The following HMX2 variants were observed in gnomAD, a reference collection of about 807,000 sequenced individuals.
HMX2 encodes the protein H6 family homeobox 2.
In HMX2, 15 loss-of-function variants were observed where a neutral mutation model predicts 21.2. The ratio of observed to expected loss-of-function variants is 0.71; its 90% CI spans 0.47 to 1.09. The LOEUF (loss-of-function observed/expected upper bound fraction) is 1.09, where lower values mean the gene tolerates loss of function less well. Ranked by LOEUF, HMX2 falls within the 50% of genes least tolerant of loss-of-function variation. The pLI is 0.00. For missense variants in HMX2, 440 were observed against 381.5 expected, an observed-to-expected ratio of 1.15 and a Z score of -1.28; for synonymous variants, 193 against 181.0, an observed-to-expected ratio of 1.07 and a Z score of -0.53.
chr10:123,148,273 C>CAA lies in HMX2; in HGVS notation c.-106_-105insAA. 1 of 949,876 alleles carries CAA rather than the reference C, an allele frequency of 1.1e-6. No individual in the cohort carries two copies. The highest frequency in any genetic ancestry group is 1.6e-6 in the Non-Finnish European group (1 of 630,320). The allele number at this position is 949,876 out of a possible 1,614,324, so 58.8% of individuals were successfully genotyped here. ...GGCGCCCCCTCCCCCTAGATTTCCTCCCCGCCCCTCCCCACTGCCTGCCTG... is the reference window on the plus strand; with the variant it reads ...GGCGCCCCCTCCCCCTAGATTTCCTCAACCCGCCCCTCCCCACTGCCTGCCTG... On this transcript the variant is annotated 5_prime_UTR_variant, in exon 1 of 2. Transcript: ENST00000339992.
Position 123,148,578 on chromosome 10 carries a change from GC to G in HMX2, c.203del (p.Pro68GlnfsTer103). ...GGCTGGAAGGCGCCCGCCTGCTTCTGCCCAGACCAGCACGGCCCTAAGGAGC... is the reference window on the plus strand; with the variant it reads ...GGCTGGAAGGCGCCCGCCTGCTTCTGCCAGACCAGCACGGCCCTAAGGAGC... ...DDGWKAPACF[C>X]PDQHGPKEQG... is the part of the protein sequence containing the mutation. On this transcript the variant is annotated frameshift_variant, in exon 1 of 2. Transcript: ENST00000339992. LOFTEE classifies it high-confidence loss of function. 1 of 1,613,362 alleles carries G rather than the reference GC, an allele frequency of 6.2e-7. No homozygotes were observed. The highest frequency in any genetic ancestry group is 8.5e-7 in the Non-Finnish European group (1 of 1,179,836).
At position 123,149,852 on chromosome 10, in the gene HMX2, C is replaced by G. The variant is rs375924624; in HGVS notation, c.551C>G (p.Ser184Cys). 3 of 1,612,876 alleles carry G rather than the reference C, an allele frequency of 1.9e-6. No individual in the cohort carries two copies. The highest frequency in any genetic ancestry group is 1.6e-4 in the Middle Eastern group (1 of 6,062). Residue 184 changes from serine to cysteine, a missense_variant, in exon 2 of 2, where the codon TCC becomes TGC. Coordinates refer to ENST00000339992, the MANE Select transcript of HMX2 (RefSeq NM_005519.2). This position sits in a 1 kb window ranked among gnomAD's most constrained non-coding sequence, Gnocchi z 5.4. ...AGCTCGGAGCGCGCCTGCCTCGCCT[C>G]CAGCCTGCAGCTCACGGAGACCCAG... is the stretch of plus-strand genomic sequence containing the variant. ...LSSSERACLASSLQLTETQVK... is the reference protein window; with the variant it reads ...LSSSERACLACSLQLTETQVK...
Position 123,148,478 on chromosome 10 carries a change from C to T in HMX2, c.100C>T (p.Pro34Ser). Reference sequence around the variant, plus strand: ...CCTGGGCGGGGGCCCCTCGGAGGCACCGCGGGAGCCCGTCGGCTGGCCAGC... The same window carrying T: ...CCTGGGCGGGGGCCCCTCGGAGGCATCGCGGGAGCCCGTCGGCTGGCCAGC... ...SILGGGPSEAPREPVGWPARK... is the reference protein window; with the variant it reads ...SILGGGPSEASREPVGWPARK... Residue 34 changes from proline to serine, a missense_variant, in exon 1 of 2, where the codon CCG becomes TCG. Transcript: ENST00000339992. The T allele has an allele frequency of 6.2e-7, 1 of 1,612,462 alleles. No homozygotes were observed. The highest frequency in any genetic ancestry group is 8.5e-7 in the Non-Finnish European group (1 of 1,179,298).
At position 123,150,353 on chromosome 10, in the gene HMX2, A is replaced by G. The variant is rs1844258725; in HGVS notation, c.*230A>G. The G allele has an allele frequency of 2.5e-6, 1 of 394,962 alleles. No homozygotes were observed. The highest frequency in any genetic ancestry group is 2.1e-5 in the African/African-American group (1 of 48,232). 24.5% of individuals were successfully genotyped at this position (394,962 alleles called of 1,614,324 possible). A position where few individuals can be genotyped will look rare whatever the true frequency, so the allele number is the denominator to read the frequency against. On this transcript the variant is annotated 3_prime_UTR_variant, in exon 2 of 2. Coordinates refer to ENST00000339992, the MANE Select transcript of HMX2 (RefSeq NM_005519.2). The surrounding 1 kb of genome is among the most constrained non-coding windows in gnomAD (Gnocchi z 4.2). Reference sequence around the variant, plus strand: ...GCCTGCTTCCTACCTAGACCGAACCAGTACGCTTTGAAAACCATTCGGAGT... The same window carrying G: ...GCCTGCTTCCTACCTAGACCGAACCGGTACGCTTTGAAAACCATTCGGAGT...
Position 123,149,848 on chromosome 10 carries a change from G to A in HMX2, c.547G>A (p.Ala183Thr). The A allele has an allele frequency of 1.2e-6, 2 of 1,612,788 alleles. No individual in the cohort carries two copies. Among genetic ancestry groups the A allele is most frequent in the Non-Finnish European group, 1.7e-6 (2 of 1,179,876 alleles). ...GAGCAGCTCGGAGCGCGCCTGCCTC[G>A]CCTCCAGCCTGCAGCTCACGGAGAC... ...YLSSSERACL[A>T]SSLQLTETQV... is the part of the protein sequence containing the mutation. Residue 183 changes from alanine to threonine, a missense_variant, in exon 2 of 2, where the codon GCC (alanine) becomes ACC (threonine). Physicochemically the swap from Ala to Thr is moderately conservative, Grantham distance 58 (BLOSUM62 0). Transcript: ENST00000339992. The surrounding 1 kb of genome is among the most constrained non-coding windows in gnomAD (Gnocchi z 5.4).
chr10:123,148,531 G>A lies in HMX2; in HGVS notation c.153G>A (p.Ser51=), dbSNP rs766681252. 1.2e-6 allele frequency: 2 copies of A among 1,612,730 alleles called. No homozygotes were observed. The highest frequency in any genetic ancestry group is 2.2e-5 in the South Asian group (2 of 91,036). The change falls in exon 1 of 2, where the codon TCG becomes TCA. Residue 51 remains serine, a synonymous_variant. Transcript: ENST00000339992. ...PARKRSLSVS[S]EEEEPDDGWK... is the part of the protein sequence containing the mutation. Reference sequence around the variant, plus strand: ...GGAAGCGCAGCCTGTCCGTGTCCTCGGAGGAGGAGGAGCCGGACGACGGCT... The same window carrying A: ...GGAAGCGCAGCCTGTCCGTGTCCTCAGAGGAGGAGGAGCCGGACGACGGCT...
Position 123,149,672 on chromosome 10 carries a change from T to C in HMX2, c.371T>C (p.Leu124Pro). ...TTTAAAGAAGAGAAAGAGAGGCTCC[T>C]GCCCGCGGGCTCGCCCTCGCCGGGG... ...SDFKEEKERL[L>P]PAGSPSPGSE... Residue 124 changes from leucine to proline, a missense_variant, in exon 2 of 2, where the codon CTG becomes CCG. Leu to Pro is a moderately conservative substitution (Grantham distance 98). Coordinates refer to ENST00000339992, the MANE Select transcript of HMX2 (RefSeq NM_005519.2). This position sits in a 1 kb window ranked among gnomAD's most constrained non-coding sequence, Gnocchi z 5.4. 2 of 1,563,372 alleles carry C rather than the reference T, an allele frequency of 1.3e-6. No individual in the cohort carries two copies. The highest frequency in any genetic ancestry group is 1.4e-5 in the African/African-American group (1 of 70,278).
At position 123,149,304 on chromosome 10, in the gene HMX2, G is replaced by A. The variant is rs1387139435; in HGVS notation, c.269-266G>A. Among the ~76,000 whole-genome samples, 2 of 152,158 alleles carry A rather than the reference G, an allele frequency of 1.3e-5. No homozygotes were observed. The highest frequency in any genetic ancestry group is 2.9e-5 in the Non-Finnish European group (2 of 68,022). On this transcript the variant is annotated intron_variant, in intron 1 of 1. Transcript: ENST00000339992. This position sits in a 1 kb window ranked among gnomAD's most constrained non-coding sequence, Gnocchi z 5.4. Reference sequence around the variant, plus strand: ...AACCATGCTAATGTTTCCCCCTCCAGACCTCCTCTCCCTGTTGCCCCTGGC... The same window carrying A: ...AACCATGCTAATGTTTCCCCCTCCAAACCTCCTCTCCCTGTTGCCCCTGGC...
rs1381702545 is a variant in HMX2 at position 123,149,633 on chromosome 10, C to T, written c.332C>T (p.Pro111Leu). Reference protein sequence around the residue: ...GGLERTPFLSPSHSDFKEEKE... With the variant: ...GGLERTPFLSLSHSDFKEEKE... The stretch of plus-strand genomic sequence containing the variant: ...TTGGAGCGCACGCCTTTCCTCTCTC[C>T]TTCGCACTCGGACTTTAAAGAAGAG... Residue 111 changes from proline (P) to leucine (L), a missense_variant, in exon 2 of 2, where the codon CCT becomes CTT. Physicochemically the swap from Pro to Leu is moderately conservative, Grantham distance 98. Transcript: ENST00000339992. This position sits in a 1 kb window ranked among gnomAD's most constrained non-coding sequence, Gnocchi z 5.4. 6.6e-7 allele frequency: 1 copy of T among 1,522,558 alleles called. No homozygotes were observed. 94.3% of individuals were successfully genotyped at this position (1,522,558 alleles called of 1,614,324 possible). A position where few individuals can be genotyped will look rare whatever the true frequency, so the allele number is the denominator to read the frequency against.
rs1844243615 is a variant in HMX2 at position 123,149,520 on chromosome 10, G to A, written c.269-50G>A. The A allele has an allele frequency of 1.4e-6, 2 of 1,386,298 alleles. No individual in the cohort carries two copies. Among genetic ancestry groups the A allele is most frequent in the African/African-American group, 1.5e-5 (1 of 66,390 alleles). 85.9% of individuals were successfully genotyped at this position (1,386,298 alleles called of 1,614,324 possible). On this transcript the variant is annotated intron_variant, in intron 1 of 1. Coordinates refer to ENST00000339992, the MANE Select transcript of HMX2 (RefSeq NM_005519.2). The surrounding 1 kb of genome is among the most constrained non-coding windows in gnomAD (Gnocchi z 5.4). ...GTCCCAGGGAGAGCTGGCGGTCTCC[G>A]AGGCTCCCCAACCAACTCCATGGCC...
rs567997252 is a variant in HMX2, at chr10:123,150,492, T to C, written c.*369T>C. 8.5e-5 allele frequency: 16 copies of C among 188,658 alleles called. No homozygotes were observed. In the South Asian group the frequency reaches 1.2e-3, roughly 15 times the overall value. 11.7% of individuals were successfully genotyped at this position (188,658 alleles called of 1,614,324 possible). A position where few individuals can be genotyped will look rare whatever the true frequency, so the allele number is the denominator to read the frequency against. Reference sequence around the variant, plus strand: ...ACCAGGTACACTCCTCCCCCATATATACACCTGTATATATGTACATGCATA... The same window carrying C: ...ACCAGGTACACTCCTCCCCCATATACACACCTGTATATATGTACATGCATA... On this transcript the variant is annotated 3_prime_UTR_variant, in exon 2 of 2. Transcript: ENST00000339992. This position sits in a 1 kb window ranked among gnomAD's most constrained non-coding sequence, Gnocchi z 4.2.
rs1054893871 is a variant in HMX2, at chr10:123,149,747, A to G, written c.446A>G (p.Lys149Arg). Residue 149 changes from lysine (K) to arginine (R), a missense_variant, in exon 2 of 2, where the codon AAG becomes AGG. Physicochemically the swap from Lys to Arg is conservative, Grantham distance 26 (BLOSUM62 2). Transcript: ENST00000339992. This position sits in a 1 kb window ranked among gnomAD's most constrained non-coding sequence, Gnocchi z 5.4. ...GCTGAGCGGCAGGCCGGCGCGGCCA[A>G]GAAGAAGACGCGCACCGTCTTTTCG... Reference protein sequence around the residue: ...GGAERQAGAAKKKTRTVFSRS... With the variant: ...GGAERQAGAARKKTRTVFSRS... 4 of 1,557,154 alleles carry G rather than the reference A, an allele frequency of 2.6e-6. No homozygotes were observed. In the Admixed American group the frequency reaches 7.6e-5, roughly 30 times the overall value.
chr10:123,149,939 A>G lies in HMX2; in HGVS notation c.638A>G (p.Glu213Gly). Residue 213 changes from glutamate to glycine, a missense_variant, in exon 2 of 2, where the codon GAG becomes GGG. Physicochemically the swap from Glu to Gly is moderately conservative, Grantham distance 98. Coordinates refer to ENST00000339992, the MANE Select transcript of HMX2 (RefSeq NM_005519.2). This position sits in a 1 kb window ranked among gnomAD's most constrained non-coding sequence, Gnocchi z 5.4. The part of the protein sequence containing the change: ...KWKRQLSAEL[E>G]AANMAHASAQ... ...AAGCGGCAGCTCTCGGCTGAGCTGG[A>G]GGCGGCCAACATGGCGCACGCGTCG... 6.2e-7 allele frequency: 1 copy of G among 1,612,222 alleles called. No individual in the cohort carries two copies. Among genetic ancestry groups the G allele is most frequent in the Non-Finnish European group, 8.5e-7 (1 of 1,179,680 alleles).
chr10:123,148,823 G>A (rs1216199417), intron 1 of HMX2, among the ~76,000 whole-genome samples, 177 bp downstream of exon 1: 1 of 152,170 alleles, frequency 6.6e-6, no homozygotes, highest in Non-Finnish European at 1.5e-5. Context: ...TGGGCCCCTG[G>A]GAGCAGGCGA....
In HMX2 at chr10:123,150,212, T is replaced by C; in HGVS notation, c.*89T>C. 1 of 1,108,828 alleles carries C rather than the reference T, an allele frequency of 9.0e-7. No individual in the cohort carries two copies. The highest frequency in any genetic ancestry group is 1.2e-6 in the Non-Finnish European group (1 of 800,632). 68.7% of individuals were successfully genotyped at this position (1,108,828 alleles called of 1,614,324 possible). A position where few individuals can be genotyped will look rare whatever the true frequency, so the allele number is the denominator to read the frequency against. On this transcript the variant is annotated 3_prime_UTR_variant, in exon 2 of 2. Transcript: ENST00000339992. The surrounding 1 kb of genome is among the most constrained non-coding windows in gnomAD (Gnocchi z 4.2). ...CAGGGCTCCGGAGCAAGGCGGCGTG[T>C]TTCCAGAAATATGAAGAAATACACC...
rs572145854 is a variant in HMX2 at position 123,149,988 on chromosome 10, G to T, written c.687G>T (p.Pro229=). The part of the protein sequence containing the change: ...HASAQTLVSM[P]LVFRDSSLLR... ...CGGCGCAGACTCTGGTGAGCATGCC[G>T]CTGGTGTTCCGGGACAGTTCGCTGC... The change falls in exon 2 of 2, where the codon CCG becomes CCT. Residue 229 remains proline, a synonymous_variant. Transcript: ENST00000339992. The surrounding 1 kb of genome is among the most constrained non-coding windows in gnomAD (Gnocchi z 5.4). The T allele has an allele frequency of 8.1e-6, 13 of 1,611,134 alleles. No homozygotes were observed. Among genetic ancestry groups the T allele is most frequent in the Non-Finnish European group, 1.1e-5 (13 of 1,179,346 alleles).
rs1844238444 is a variant in HMX2 at position 123,149,211 on chromosome 10, T to A, written c.269-359T>A. Among the ~76,000 whole-genome samples the A allele has an allele frequency of 6.6e-6, 1 of 152,148 alleles. No individual in the cohort carries two copies. Among genetic ancestry groups the A allele is most frequent in the Non-Finnish European group, 1.5e-5 (1 of 68,032 alleles). On this transcript the variant is annotated intron_variant, in intron 1 of 1. Coordinates refer to ENST00000339992, the MANE Select transcript of HMX2 (RefSeq NM_005519.2). This position sits in a 1 kb window ranked among gnomAD's most constrained non-coding sequence, Gnocchi z 5.4. ...ATTTCCAAACAAACGGCCTGTGAAA[T>A]GATGCCACCCTATAAAGCTCGAGGA...
Position 123,148,543 on chromosome 10 carries a change from G to T in HMX2, c.165G>T (p.Glu55Asp). The T allele has an allele frequency of 6.2e-7, 1 of 1,613,114 alleles. No homozygotes were observed. The highest frequency in any genetic ancestry group is 8.5e-7 in the Non-Finnish European group (1 of 1,179,770). Residue 55 changes from glutamate to aspartate, a missense_variant, in exon 1 of 2, where the codon GAG becomes GAT. Physicochemically the swap from Glu to Asp is conservative, Grantham distance 45 (BLOSUM62 2). Transcript: ENST00000339992. ...TGTCCGTGTCCTCGGAGGAGGAGGA[G>T]CCGGACGACGGCTGGAAGGCGCCCG... ...RSLSVSSEEEEPDDGWKAPAC... is the reference protein window; with the variant it reads ...RSLSVSSEEEDPDDGWKAPAC...
Position 123,149,551 on chromosome 10 carries a change from G to T in HMX2, c.269-19G>T, listed in dbSNP as rs1844244262. The stretch of plus-strand genomic sequence containing the variant: ...CCCCAACCAACTCCATGGCCTTTCT[G>T]TCTGTTCTCGCTCCTCAGGTACCCC... On this transcript the variant is annotated intron_variant, in intron 1 of 1. Coordinates refer to ENST00000339992, the MANE Select transcript of HMX2 (RefSeq NM_005519.2). The surrounding 1 kb of genome is among the most constrained non-coding windows in gnomAD (Gnocchi z 5.4). 1 of 1,427,060 alleles carries T rather than the reference G, an allele frequency of 7.0e-7. No homozygotes were observed. 88.4% of individuals were successfully genotyped at this position (1,427,060 alleles called of 1,614,324 possible). A position where few individuals can be genotyped will look rare whatever the true frequency, so the allele number is the denominator to read the frequency against.
Sources: allele counts gnomAD v4.1 joint callset (sites outside exome capture counted in the v4.1 genomes callset), GRCh38; gene constraint gnomAD v4.1.1; non-coding constraint Gnocchi (gnomAD v3.1); transcripts MANE v1.5; gene names NCBI Gene and HGNC (gene_info 2026-07-23, HGNC 2026-07-21).